LEMD3: variants seen among roughly 807,000 people sequenced by gnomAD.
LEMD3 encodes the protein inner nuclear membrane protein Man1.
In LEMD3, 33 loss-of-function variants were observed where a neutral mutation model predicts 95.2. That is an observed-to-expected ratio of 0.35 (90% CI 0.26 to 0.46). The LOEUF (loss-of-function observed/expected upper bound fraction) is 0.46. Ranked by LOEUF, LEMD3 falls within the 20% of genes least tolerant of loss-of-function variation. The pLI, the probability that LEMD3 is intolerant of heterozygous loss-of-function variation, is 1.00. For synonymous variants in LEMD3, 525 were observed against 474.6 expected (o/e 1.11, Z -1.38); for missense variants, 1,210 against 1,192.8 (o/e 1.01, Z -0.21).
chr12:65,213,113 GATA>G (rs1869993896), intron 2 of LEMD3, among the ~76,000 whole-genome samples: 1 of 151,586 alleles, frequency 6.6e-6, no homozygotes, highest in Non-Finnish European at 1.5e-5. Context: ...TAGATAGATA[GATA>G]AAGTAAATAG....
rs561928354 is a variant in LEMD3 at position 65,203,919 on chromosome 12, A to G, written c.1523-7007A>G. On this transcript the variant is annotated intron_variant, in intron 1 of 12. Coordinates refer to ENST00000308330, the MANE Select transcript of LEMD3 (RefSeq NM_014319.5). ...TCACTGATAACTTTTCTTGCTTTCAATTTTGCAGTATCTGAAATTAATACA... is the reference window on the plus strand; with the variant it reads ...TCACTGATAACTTTTCTTGCTTTCAGTTTTGCAGTATCTGAAATTAATACA... 4.6e-5 allele frequency among the ~76,000 whole-genome samples: 7 copies of G among 152,116 alleles called. No homozygotes were observed. The East Asian group carries it at 7.7e-4, about 17-fold the overall frequency.
intron 1 of LEMD3, among the ~76,000 whole-genome samples, chr12:65,190,601 C>A (rs1224168505): frequency 6.6e-6 from 1 of 152,132 alleles, no homozygotes. Flanking sequence ...TCTTCCAGAT[C>A]GAACCAGTGT....
chr12:65,170,433 C>T lies in LEMD3; in HGVS notation c.837C>T (p.Asp279=). 3.7e-6 allele frequency: 6 copies of T among 1,614,002 alleles called. No homozygotes were observed. Among genetic ancestry groups the T allele is most frequent in the Non-Finnish European group, 4.2e-6 (5 of 1,179,994 alleles). Residue 279 remains aspartate, a synonymous_variant, in exon 1 of 13, where the codon GAC becomes GAT. Transcript: ENST00000308330. The part of the protein sequence containing the change: ...VASSRQVLKD[D]SLSRHRPRRT... ...CCAGCAGACAGGTATTAAAGGACGA[C>T]TCCCTTTCCCGGCATCGGCCCAGAC...
intron 4 of LEMD3, among the ~76,000 whole-genome samples, 164 bp downstream of exon 4, chr12:65,218,783 C>CTTTTTT (rs10676847): frequency 4.1e-5 from 5 of 123,066 alleles, no homozygotes; most frequent in East Asian, 2.3e-4. Flanking sequence ...AATTGTTCAA[C>CTTTTTT]TTTTTTTTTT....
chr12:65,180,658 T>G (rs1868873846), intron 1 of LEMD3, among the ~76,000 whole-genome samples: 1 of 152,122 alleles, frequency 6.6e-6, no homozygotes, highest in African/African-American at 2.4e-5. Flanking sequence ...ACCACTGAAT[T>G]TTTCCTGGGT....
intron 4 of LEMD3, among the ~76,000 whole-genome samples, chr12:65,223,833 C>CTTTTTTTTTTTTTTTTTT (rs71278238): frequency 1.6e-5 from 2 of 125,698 alleles, no homozygotes; most frequent in African/African-American, 3.0e-5. Context: ...TTTTTTGTGT[C>CTTTTTTTTTTTTTTTTTT]TTTTTTTTTT....
chr12:65,240,810 G>C, intron 8 of LEMD3, 99 bp from the exon 9 acceptor site: 1 of 1,050,926 alleles, frequency 9.5e-7, no homozygotes. Flanking sequence ...ATGAGTAGTG[G>C]TAAGAACAGC....
At position 65,196,362 on chromosome 12, in the gene LEMD3, G is replaced by T. The variant is rs575799234; in HGVS notation, c.1523-14564G>T. Among the ~76,000 whole-genome samples, 19 of 152,130 alleles carry T rather than the reference G, an allele frequency of 1.2e-4. No individual in the cohort carries two copies. The South Asian group carries it at 3.5e-3, about 28-fold the overall frequency. ...AACCCCAAACAGAACTCTTGTTTCTGAGGTATTTTGGATCCTGTTTTTCTA... is the reference window on the plus strand; with the variant it reads ...AACCCCAAACAGAACTCTTGTTTCTTAGGTATTTTGGATCCTGTTTTTCTA... On this transcript the variant is annotated intron_variant, in intron 1 of 12. Transcript: ENST00000308330.
At chr12:65,180,579 G>A (rs2136318972) in intron 1 of LEMD3, among the ~76,000 whole-genome samples, 1 of 152,070 alleles carries the variant, frequency 6.6e-6, no homozygotes, top group African/African-American at 2.4e-5. Flanking sequence ...TCTATCATAT[G>A]GAAGCCATCA....
chr12:65,206,551 T>C (rs1869769719), intron 1 of LEMD3, among the ~76,000 whole-genome samples: 1 of 152,204 alleles, frequency 6.6e-6, no homozygotes, highest in Non-Finnish European at 1.5e-5. Context: ...AGTATGGTAC[T>C]AAATCAGAAA....
chr12:65,186,233 A>G (rs147863040), intron 1 of LEMD3, among the ~76,000 whole-genome samples: 9 of 151,772 alleles, frequency 5.9e-5, no homozygotes, highest in African/African-American at 2.2e-4. Flanking sequence ...TTTCTTTTAC[A>G]TTTTGCCCGT....
At chr12:65,221,011 G>A (rs866613975) in intron 4 of LEMD3, among the ~76,000 whole-genome samples, 1 of 152,062 alleles carries the variant, frequency 6.6e-6, no homozygotes, top group Admixed American at 6.6e-5. Flanking sequence ...GGCCTTTGTG[G>A]TTCCATATGG....
chr12:65,180,247 T>G (rs1868860682), intron 1 of LEMD3, among the ~76,000 whole-genome samples: 1 of 151,932 alleles, frequency 6.6e-6, no homozygotes. Flanking sequence ...TGCCCTGCCC[T>G]AACATAGATT....
rs1197621805 is a variant in LEMD3, at chr12:65,246,807, A to T, written c.*482A>T. 1 of 160,742 alleles carries T rather than the reference A, an allele frequency of 6.2e-6. No homozygotes were observed. The highest frequency in any genetic ancestry group is 1.4e-5 in the Non-Finnish European group (1 of 73,422). 10.0% of individuals were successfully genotyped at this position (160,742 alleles called of 1,614,324 possible). A position where few individuals can be genotyped will look rare whatever the true frequency, so the allele number is the denominator to read the frequency against. ...GGTTTCTGTTGCTTATAAGCGATTC[A>T]TTTGCTACGGCTGGAATATGGGAAA... On this transcript the variant is annotated 3_prime_UTR_variant, in exon 13 of 13. Coordinates refer to ENST00000308330, the MANE Select transcript of LEMD3 (RefSeq NM_014319.5).
chr12:65,227,428 T>C (rs1870483897), intron 4 of LEMD3, among the ~76,000 whole-genome samples: 1 of 152,192 alleles, frequency 6.6e-6, no homozygotes, highest in Non-Finnish European at 1.5e-5. Flanking sequence ...TCTTAAAGCA[T>C]ATGAAATAGG....
intron 2 of LEMD3, among the ~76,000 whole-genome samples, chr12:65,212,536 C>A (rs79886669): frequency 3.5e-3 from 364 of 103,216 alleles, no homozygotes; most frequent in African/African-American, 8.6e-3. Flanking sequence ...GACTCCATCT[C>A]AAAAAAAAAA....
intron 4 of LEMD3, among the ~76,000 whole-genome samples, chr12:65,220,952 T>C (rs180704934): frequency 6.6e-6 from 1 of 152,338 alleles, no homozygotes; most frequent in East Asian, 1.9e-4. Flanking sequence ...GCTAGTACTA[T>C]ACTGTTTTGA....
In LEMD3 at chr12:65,169,600, G is replaced by A; in HGVS notation, c.4G>A (p.Ala2Thr). The A allele has an allele frequency of 2.5e-6, 4 of 1,587,706 alleles. No individual in the cohort carries two copies. Among genetic ancestry groups the A allele is most frequent in the Non-Finnish European group, 3.4e-6 (4 of 1,169,108 alleles). M[A>T]AAAASAPQQL... ...TGTAAAACACCCTGGAGAGAAAATG[G>A]CGGCGGCAGCAGCTTCGGCGCCTCA... Residue 2 changes from alanine to threonine, a missense_variant, in exon 1 of 13, where the codon GCG (alanine) becomes ACG (threonine). Physicochemically the swap from Ala to Thr is moderately conservative, Grantham distance 58. This residue lies in a region of LEMD3 where 749 missense variants were observed against 622.9 expected (regional missense o/e 1.20). Coordinates refer to ENST00000308330, the MANE Select transcript of LEMD3 (RefSeq NM_014319.5).
In LEMD3 at chr12:65,229,954, A is replaced by G. The variant is rs113105363; in HGVS notation, c.1696-8548A>G. Among the ~76,000 whole-genome samples the G allele has an allele frequency of 3.8e-3, 572 of 151,546 alleles. 3 individuals are homozygous for G. Among genetic ancestry groups the G allele is most frequent in the African/African-American group, 0.013 (548 of 40,846 alleles). ...TAGTACTTTAATAATTTTAGGTCTTACATTTAATTATTTAATCCATTTTGA... is the reference window on the plus strand; with the variant it reads ...TAGTACTTTAATAATTTTAGGTCTTGCATTTAATTATTTAATCCATTTTGA... On this transcript the variant is annotated intron_variant, in intron 4 of 12. Coordinates refer to ENST00000308330, the MANE Select transcript of LEMD3 (RefSeq NM_014319.5).
Sources: allele counts gnomAD v4.1 joint callset (sites outside exome capture counted in the v4.1 genomes callset), GRCh38; gene constraint gnomAD v4.1.1; regional missense constraint gnomAD v4.1.1; transcripts MANE v1.5; gene names NCBI Gene and HGNC (gene_info 2026-07-23, HGNC 2026-07-21).